Variants in ITGBL1 observed in about 807,000 individuals in gnomAD.
ITGBL1 encodes the protein integrin subunit beta like 1.
A neutral mutation model predicts 68.5 loss-of-function variants in ITGBL1; 51 were observed. The ratio of observed to expected loss-of-function variants is 0.74; its 90% CI spans 0.59 to 0.94. The LOEUF is 0.94. Among genes scored for constraint, ITGBL1 ranks in the 40% least tolerant of loss-of-function variants. ITGBL1 has a pLI of 0.00. For synonymous variants in ITGBL1, 209 were observed against 227.3 expected (o/e 0.92, Z 0.72); for missense variants, 649 against 647.4 (o/e 1.00, Z -0.03).
chr13:101,600,023 T>C (rs1224892979), intron 7 of ITGBL1, among the ~76,000 whole-genome samples: 2 of 152,222 alleles, frequency 1.3e-5, no homozygotes, highest in Non-Finnish European at 2.9e-5. Flanking sequence ...TAAAGTACCT[T>C]GGGCAGTATG....
At chr13:101,600,162 A>G (rs1380914287) in intron 7 of ITGBL1, among the ~76,000 whole-genome samples, 3 of 152,108 alleles carry the variant, frequency 2.0e-5, no homozygotes, top group Non-Finnish European at 4.4e-5. Context: ...CATCCCTTGT[A>G]AGTTGGATTG....
At chr13:101,506,857 C>T (rs1032386485) in intron 2 of ITGBL1, among the ~76,000 whole-genome samples, 3 of 152,010 alleles carry the variant, frequency 2.0e-5, no homozygotes, top group Non-Finnish European at 4.4e-5. Flanking sequence ...TTCAAATTTC[C>T]AAGAACTGTG....
intron 5 of ITGBL1, among the ~76,000 whole-genome samples, chr13:101,582,200 T>C (rs2050469674): frequency 6.6e-6 from 1 of 152,214 alleles, no homozygotes; most frequent in Admixed American, 6.5e-5. Context: ...TACAGACATA[T>C]TAACTACTTG....
At chr13:101,647,325 A>G (rs955035363) in intron 7 of ITGBL1, among the ~76,000 whole-genome samples, 21 of 152,226 alleles carry the variant, frequency 1.4e-4, no homozygotes, top group African/African-American at 5.1e-4. Flanking sequence ...ATGAGAAAAT[A>G]TTTGTCTATA....
intron 7 of ITGBL1, among the ~76,000 whole-genome samples, chr13:101,614,121 C>T (rs947755726): frequency 2.0e-5 from 3 of 151,974 alleles, no homozygotes; most frequent in East Asian, 3.9e-4. Flanking sequence ...CAATGAACCA[C>T]CTTAGGCACG....
intron 2 of ITGBL1, among the ~76,000 whole-genome samples, chr13:101,503,616 C>G (rs544350805): frequency 3.9e-5 from 6 of 152,132 alleles, no homozygotes; most frequent in Non-Finnish European, 8.8e-5. Flanking sequence ...CAACACACCC[C>G]CTAGGGGAGT....
chr13:101,599,977 G>C (rs565107777), intron 7 of ITGBL1, among the ~76,000 whole-genome samples: 1 of 152,204 alleles, frequency 6.6e-6, no homozygotes, highest in African/African-American at 2.4e-5. Flanking sequence ...TGTGAAGAAA[G>C]TCATTGGTAG....
At chr13:101,719,431 G>A (rs1239903073), downstream of ITGBL1, 1 of 140,254 alleles carries the variant, frequency 7.1e-6, no homozygotes, top group African/African-American at 2.8e-5. Flanking sequence ...AACATTTAGA[G>A]CAAGAATCTC....
In ITGBL1 at chr13:101,604,869, T is replaced by TAC. The variant is rs1261308843; in HGVS notation, c.1015+6571_1015+6572insCA. 4.7e-4 allele frequency among the ~76,000 whole-genome samples: 10 copies of TAC among 21,426 alleles called. 2 individuals carry two copies. Among genetic ancestry groups the TAC allele is most frequent in the African/African-American group, 6.4e-4 (6 of 9,332 alleles). The allele number at this position is 21,426 out of a possible 152,430, so 14.1% of individuals were successfully genotyped here. ...CAATATATATATATATATATATATA[T>TAC]ATATATATATATATATATACACACA... On this transcript the variant is annotated intron_variant, in intron 7 of 10. Coordinates refer to ENST00000376180, the MANE Select transcript of ITGBL1 (RefSeq NM_004791.3).
chr13:101,632,901 A>G (rs1290613970), intron 7 of ITGBL1, among the ~76,000 whole-genome samples: 2 of 152,208 alleles, frequency 1.3e-5, no homozygotes, highest in Non-Finnish European at 2.9e-5. Flanking sequence ...CTTTGATCAG[A>G]TAATGATTGT....
intron 7 of ITGBL1, among the ~76,000 whole-genome samples, chr13:101,627,396 T>G (rs557185246): frequency 9.9e-5 from 15 of 152,172 alleles, no homozygotes; most frequent in African/African-American, 3.6e-4. Context: ...TCCCCTGTCA[T>G]CATCCCCCAC....
chr13:101,576,989 G>A (rs1268456666), intron 4 of ITGBL1, among the ~76,000 whole-genome samples: 1 of 151,496 alleles, frequency 6.6e-6, no homozygotes, highest in Non-Finnish European at 1.5e-5. Flanking sequence ...AACATGCTTT[G>A]GGGCCAGTGT....
chr13:101,609,331 G>C (rs2031018345), intron 7 of ITGBL1, among the ~76,000 whole-genome samples: 2 of 151,984 alleles, frequency 1.3e-5, no homozygotes, highest in Admixed American at 6.6e-5. Context: ...GATGCACTTG[G>C]ATTTCTGTGT....
At chr13:101,664,002 G>T (rs578092708) in intron 7 of ITGBL1, among the ~76,000 whole-genome samples, 1 of 152,162 alleles carries the variant, frequency 6.6e-6, no homozygotes, top group Non-Finnish European at 1.5e-5. Flanking sequence ...CTTTTGAGGA[G>T]GTCAGCAGAT....
At chr13:101,557,158 T>C (rs1227278491) in intron 2 of ITGBL1, among the ~76,000 whole-genome samples, 1 of 152,144 alleles carries the variant, frequency 6.6e-6, no homozygotes, top group Non-Finnish European at 1.5e-5. Flanking sequence ...CAGTGGAACT[T>C]AGGATGAAGA....
chr13:101,650,073 G>A (rs59713117), intron 7 of ITGBL1, among the ~76,000 whole-genome samples: 4,450 of 143,734 alleles, frequency 0.031, 218 homozygotes, highest in African/African-American at 0.11. Context: ...GAGATAATTA[G>A]CGTTTTTTTC....
At chr13:101,539,812 G>A (rs545916541) in intron 2 of ITGBL1, among the ~76,000 whole-genome samples, 134 of 152,044 alleles carry the variant, frequency 8.8e-4, no homozygotes, top group African/African-American at 3.0e-3. Context: ...GTGATGATGA[G>A]CATTTTTTCA....
At chr13:101,672,872 A>G (rs1396992171) in intron 7 of ITGBL1, among the ~76,000 whole-genome samples, 1 of 152,144 alleles carries the variant, frequency 6.6e-6, no homozygotes, top group Admixed American at 6.5e-5. Flanking sequence ...ACCCCAGACA[A>G]TGATGCCACT....
intron 2 of ITGBL1, among the ~76,000 whole-genome samples, chr13:101,488,998 C>G (rs2048739234): frequency 1.3e-5 from 2 of 152,116 alleles, no homozygotes; most frequent in South Asian, 4.1e-4. Flanking sequence ...ACTAAAGAAG[C>G]TAGGAGGTGT....
Sources: gnomAD v4.1 joint callset for allele counts (sites outside exome capture counted in the v4.1 genomes callset) on GRCh38, gnomAD v4.1.1 for gene constraint, MANE v1.5 for transcripts, NCBI Gene and HGNC (gene_info 2026-07-23, HGNC 2026-07-21) for gene names.